CATSPERE: variants seen among roughly 807,000 people sequenced by gnomAD.
The protein encoded by CATSPERE is catsper channel auxiliary subunit epsilon, also known as cation channel sperm-associated auxiliary subunit epsilon.
CATSPERE carries 93 observed loss-of-function variants against 114.1 expected under a neutral mutation model. That is an observed-to-expected ratio of 0.81 (90% CI 0.69 to 0.97). CATSPERE has a LOEUF of 0.97. Ranked by LOEUF, CATSPERE falls within the 50% of genes least tolerant of loss-of-function variation. CATSPERE has a pLI of 0.00. For synonymous variants in CATSPERE, 341 were observed against 384.1 expected, an observed-to-expected ratio of 0.89 and a Z score of 1.31; for missense variants, 1,058 against 1,131.6, an observed-to-expected ratio of 0.93 and a Z score of 0.93.
chr1:244,521,781 G>A (rs1677616156), intron 8 of CATSPERE, among the ~76,000 whole-genome samples: 1 of 152,148 alleles, frequency 6.6e-6, no homozygotes, highest in Admixed American at 6.5e-5. Context: ...TCAGCTCATT[G>A]ATGAATACAT....
At chr1:244,553,473 C>T (rs1275965997) in intron 9 of CATSPERE, among the ~76,000 whole-genome samples, 3 of 150,050 alleles carry the variant, frequency 2.0e-5, no homozygotes, top group Non-Finnish European at 3.0e-5. Context: ...CTCAGCTACT[C>T]GGGAGGCTGA....
intron 20 of CATSPERE, among the ~76,000 whole-genome samples, chr1:244,631,165 G>A (rs138747686): frequency 2.6e-4 from 39 of 152,154 alleles, no homozygotes; most frequent in African/African-American, 9.2e-4. Flanking sequence ...GAACACCTCA[G>A]TAAAAGTAAT....
chr1:244,466,744 A>G (rs1667657177), intron 2 of CATSPERE, among the ~76,000 whole-genome samples: 1 of 152,168 alleles, frequency 6.6e-6, no homozygotes, highest in Admixed American at 6.5e-5. Flanking sequence ...TCAATAGTCA[A>G]AAAGTTGCTG....
At chr1:244,483,381 G>C (rs1326740719) in intron 5 of CATSPERE, among the ~76,000 whole-genome samples, 2 of 152,202 alleles carry the variant, frequency 1.3e-5, no homozygotes, top group African/African-American at 4.8e-5. Flanking sequence ...ATGTGCATTT[G>C]TTCAACTTTA....
In CATSPERE at chr1:244,560,928, G is replaced by T; in HGVS notation, c.1290G>T (p.Gln430His). The T allele has an allele frequency of 1.2e-6, 2 of 1,614,114 alleles. No individual in the cohort carries two copies. Among genetic ancestry groups the T allele is most frequent in the Non-Finnish European group, 1.7e-6 (2 of 1,179,992 alleles). The change falls in exon 10 of 22, where the codon CAG becomes CAT. Residue 430 changes from glutamine (Q) to histidine (H), a missense_variant. Physicochemically the swap from Gln to His is conservative, Grantham distance 24. Transcript: ENST00000366534. ...TGATATATAATGAAGATACAAAACA[G>T]TGGGTTTCCCAAGACTTTACATTAG... Reference protein sequence around the residue: ...FLVIYNEDTKQWVSQDFTLDA... With the variant: ...FLVIYNEDTKHWVSQDFTLDA...
Position 244,571,819 on chromosome 1 carries a change from C to G in CATSPERE, c.1508-511C>G, listed in dbSNP as rs537242065. ...TGTGTCCTCATGTGGCCTTTCTTCT[C>G]TGTGTGTCCGGAGAGATCCCTGGTG... On this transcript the variant is annotated intron_variant, in intron 10 of 21. Transcript: ENST00000366534. Among the ~76,000 whole-genome samples, 19 of 152,240 alleles carry G rather than the reference C, an allele frequency of 1.2e-4. No homozygotes were observed. The South Asian group carries it at 3.9e-3, about 32-fold the overall frequency.
chr1:244,536,603 C>T lies in CATSPERE; in HGVS notation c.537-15719C>T, dbSNP rs1558451761. ...TCTGTCTCCCCAAAGCACACAGATT[C>T]GTTGTCTGCACTATGCAGCCACTAC... On this transcript the variant is annotated intron_variant, in intron 8 of 21. Coordinates refer to ENST00000366534, the MANE Select transcript of CATSPERE (RefSeq NM_001130957.2). Among the ~76,000 whole-genome samples the T allele has an allele frequency of 3.3e-5, 5 of 152,196 alleles. No individual in the cohort carries two copies. The South Asian group carries it at 6.2e-4, about 19-fold the overall frequency.
intron 7 of CATSPERE, among the ~76,000 whole-genome samples, chr1:244,505,996 A>T (rs897188280): frequency 2.0e-5 from 3 of 152,120 alleles, no homozygotes; most frequent in Non-Finnish European, 4.4e-5. Flanking sequence ...ACAGAGCGAG[A>T]CCCCATCTCA....
chr1:244,562,656 A>G (rs1382052345), intron 10 of CATSPERE, among the ~76,000 whole-genome samples: 1 of 152,136 alleles, frequency 6.6e-6, no homozygotes, highest in East Asian at 1.9e-4. Flanking sequence ...TAGATGTTTT[A>G]TCTAGTTTCA....
chr1:244,563,964 G>A lies in CATSPERE; in HGVS notation c.1507+2819G>A, dbSNP rs368257244. Among the ~76,000 whole-genome samples, 66 of 152,164 alleles carry A rather than the reference G, an allele frequency of 4.3e-4. No homozygotes were observed. In the East Asian group the frequency reaches 0.012, roughly 27 times the overall value. On this transcript the variant is annotated intron_variant, in intron 10 of 21. Transcript: ENST00000366534. The stretch of plus-strand genomic sequence containing the variant: ...GGAAGGGATCCAGTTTCAGCTTTCT[G>A]CATATGGCTAGCCAGTTTTCCCAAC...
rs74162779 is a variant in CATSPERE, at chr1:244,625,406, T to TAATATATA, written c.2648+7720_2648+7721insAATATATA. Among the ~76,000 whole-genome samples, 7 of 12,882 alleles carry TAATATATA rather than the reference T, an allele frequency of 5.4e-4. 2 individuals are homozygous for TAATATATA. Among genetic ancestry groups the TAATATATA allele is most frequent in the African/African-American group, 9.1e-4 (3 of 3,298 alleles). The allele number at this position is 12,882 out of a possible 152,430, so 8.5% of individuals were successfully genotyped here. ...TTATTTTTATTATTATTATTATTAT[T>TAATATATA]TATATATATATATATATATATATAT... is the stretch of plus-strand genomic sequence containing the variant. On this transcript the variant is annotated intron_variant, in intron 20 of 21. Transcript: ENST00000366534.
intron 5 of CATSPERE, among the ~76,000 whole-genome samples, chr1:244,482,076 T>C (rs576283326): frequency 1.8e-4 from 27 of 152,268 alleles, no homozygotes; most frequent in African/African-American, 6.3e-4. Flanking sequence ...AGGGGGCAGG[T>C]TAGTCCAAAA....
chr1:244,624,751 G>A (rs559458260), intron 20 of CATSPERE, among the ~76,000 whole-genome samples: 191 of 151,838 alleles, frequency 1.3e-3, no homozygotes, highest in African/African-American at 4.2e-3. Flanking sequence ...GCAGTGAGCC[G>A]AGATCGCACC....
At chr1:244,542,049 C>T (rs1170407887) in intron 8 of CATSPERE, among the ~76,000 whole-genome samples, 2 of 148,632 alleles carry the variant, frequency 1.3e-5, no homozygotes, top group Admixed American at 1.3e-4. Context: ...GGAGATATAC[C>T]TAATGCTAGG....
intron 10 of CATSPERE, among the ~76,000 whole-genome samples, chr1:244,563,237 G>A (rs3123461): frequency 0.79 from 120,738 of 152,210 alleles, 49,657 homozygotes; most frequent in Middle Eastern, 0.94. Context: ...GTGTGCATAT[G>A]TCTTTATAGT....
At chr1:244,529,213 A>G (rs989816439) in intron 8 of CATSPERE, among the ~76,000 whole-genome samples, 5 of 152,198 alleles carry the variant, frequency 3.3e-5, no homozygotes, top group Admixed American at 3.3e-4. Context: ...TTGCTGGATC[A>G]TATGGTAGTT....
rs201672348 is a variant in CATSPERE at position 244,621,315 on chromosome 1, AATATATATAT to A, written c.2648+3650_2648+3659del. ...TCTATATAAATATATAAATATATAA[AATATATATAT>A]ATATATATATATATATATATTCCCT... On this transcript the variant is annotated intron_variant, in intron 20 of 21. Transcript: ENST00000366534. Among the ~76,000 whole-genome samples the A allele has an allele frequency of 7.8e-3, 206 of 26,320 alleles. 11 individuals carry two copies. Among genetic ancestry groups the A allele is most frequent in the East Asian group, 0.067 (54 of 804 alleles). 17.3% of individuals were successfully genotyped at this position (26,320 alleles called of 152,430 possible). A position where few individuals can be genotyped will look rare whatever the true frequency, so the allele number is the denominator to read the frequency against.
chr1:244,532,366 C>T (rs566321027), intron 8 of CATSPERE, among the ~76,000 whole-genome samples: 1 of 151,910 alleles, frequency 6.6e-6, no homozygotes, highest in East Asian at 1.9e-4. Flanking sequence ...TTGGTTTGCT[C>T]TTGCTTTTCT....
At chr1:244,605,908 G>C (rs1669926027) in intron 18 of CATSPERE, 114 bp downstream of exon 18, 2 of 579,102 alleles carry the variant, frequency 3.5e-6, no homozygotes, top group South Asian at 6.5e-5. Context: ...CAGTGGGTAG[G>C]AAAAAAATCA....
Sources: allele counts gnomAD v4.1 joint callset (sites outside exome capture counted in the v4.1 genomes callset), GRCh38; gene constraint gnomAD v4.1.1; transcripts MANE v1.5; gene names NCBI Gene and HGNC (gene_info 2026-07-23, HGNC 2026-07-21).